DTNBP1: variants seen among roughly 807,000 people sequenced by gnomAD.
DTNBP1 encodes dysbindin.
A neutral mutation model predicts 42.8 loss-of-function variants in DTNBP1; 35 were observed. That is an observed-to-expected ratio of 0.82 (90% CI 0.63 to 1.09). The LOEUF is 1.09. Among genes scored for constraint, DTNBP1 ranks in the 50% least tolerant of loss-of-function variants. The pLI, the probability that DTNBP1 is intolerant of heterozygous loss-of-function variation, is 0.00. For missense variants in DTNBP1, 457 were observed against 424.2 expected (o/e 1.08, Z -0.68); for synonymous variants, 171 against 162.2 (o/e 1.05, Z -0.41).
intron 6 of DTNBP1, among the ~76,000 whole-genome samples, chr6:15,594,036 T>C (rs1204326194): frequency 1.3e-5 from 2 of 152,220 alleles, no homozygotes; most frequent in African/African-American, 4.8e-5. Context: ...ATAATGTTCT[T>C]GCAACAGCCA....
chr6:15,601,864 GA>G (rs398000604), intron 6 of DTNBP1, among the ~76,000 whole-genome samples: 29,802 of 127,622 alleles, frequency 0.23, 3,242 homozygotes, highest in Non-Finnish European at 0.29. Flanking sequence ...AAAAGAAAAA[GA>G]AAAAAAAAAA....
chr6:15,584,705 CTTTTTTTTTT>C (rs147548247), intron 7 of DTNBP1, among the ~76,000 whole-genome samples: 1 of 86,432 alleles, frequency 1.2e-5, no homozygotes, highest in East Asian at 3.7e-4. Context: ...ACATGTATTT[CTTTTTTTTTT>C]TTTTTTTTTT....
At chr6:15,566,271 C>T (rs1775073698) in intron 7 of DTNBP1, among the ~76,000 whole-genome samples, 1 of 149,146 alleles carries the variant, frequency 6.7e-6, no homozygotes, top group Admixed American at 6.7e-5. Context: ...GCCGAGATCC[C>T]GCCACTGCAC....
At chr6:15,529,060 G>A (rs1453238332) in intron 8 of DTNBP1, among the ~76,000 whole-genome samples, 2 of 152,208 alleles carry the variant, frequency 1.3e-5, no homozygotes, top group Admixed American at 6.5e-5. Flanking sequence ...CCAGGTGGGA[G>A]GATCACTCGG....
chr6:15,658,984 T>C (rs1236096187), intron 1 of DTNBP1, among the ~76,000 whole-genome samples: 2 of 152,180 alleles, frequency 1.3e-5, no homozygotes, highest in Admixed American at 6.5e-5. Flanking sequence ...GTTGACATAA[T>C]TGTTACTACG....
chr6:15,648,775 T>C (rs539723822), intron 3 of DTNBP1, among the ~76,000 whole-genome samples: 1 of 152,198 alleles, frequency 6.6e-6, no homozygotes, highest in African/African-American at 2.4e-5. Flanking sequence ...TGTTAATGGA[T>C]TGGAATACTT....
intron 5 of DTNBP1, 27 bp from the exon 6 acceptor site, chr6:15,615,426 C>T (rs764232322): frequency 1.4e-5 from 23 of 1,612,698 alleles, no homozygotes; most frequent in Non-Finnish European, 1.9e-5. Flanking sequence ...ATAAACAGAC[C>T]TCAAAAGTCA....
chr6:15,540,884 C>T (rs902098948), intron 7 of DTNBP1, among the ~76,000 whole-genome samples: 2 of 152,154 alleles, frequency 1.3e-5, no homozygotes, highest in Admixed American at 6.6e-5. Context: ...CCTCGTGATC[C>T]GCCTGCCTTG....
rs567811705 is a variant in DTNBP1, at chr6:15,652,484, G to C, written c.57-344C>G. ...GGCATGAGCCACCCCACCCAGCCCA[G>C]AGATTTTTCAACCACAAATTTTCAC... On this transcript the variant is annotated intron_variant, in intron 1 of 9. Coordinates refer to ENST00000344537, the MANE Select transcript of DTNBP1 (RefSeq NM_032122.5). 3.1e-3 allele frequency among the ~76,000 whole-genome samples: 474 copies of C among 151,614 alleles called. 5 individuals carry two copies. Among genetic ancestry groups the C allele is most frequent in the Middle Eastern group, 0.017 (5 of 292 alleles).
At chr6:15,653,311 T>G (rs1167719120) in intron 1 of DTNBP1, among the ~76,000 whole-genome samples, 1 of 152,206 alleles carries the variant, frequency 6.6e-6, no homozygotes, top group Non-Finnish European at 1.5e-5. Context: ...GAGCTAGAAA[T>G]GCATCTTCAT....
intron 6 of DTNBP1, among the ~76,000 whole-genome samples, chr6:15,601,673 G>A (rs1009351408): frequency 2.0e-5 from 3 of 148,572 alleles, no homozygotes; most frequent in East Asian, 3.9e-4. Flanking sequence ...GAGAAACCCC[G>A]TCTCTACTAA....
intron 3 of DTNBP1, among the ~76,000 whole-genome samples, chr6:15,644,167 A>C (rs1447929461): frequency 7.2e-6 from 1 of 138,146 alleles, no homozygotes; most frequent in Non-Finnish European, 1.6e-5. Flanking sequence ...CTTTAAACCA[A>C]GAACAGTTAA....
At chr6:15,523,484 A>C in intron 9 of DTNBP1, 64 of 1,245,908 alleles carry the variant, frequency 5.1e-5, no homozygotes, top group Non-Finnish European at 6.2e-5. Flanking sequence ...AGGCTGTAAT[A>C]CGCGTGTAAT....
chr6:15,568,895 T>C lies in DTNBP1; in HGVS notation c.511+24164A>G, dbSNP rs545179767. 1.8e-4 allele frequency among the ~76,000 whole-genome samples: 28 copies of C among 152,356 alleles called. No homozygotes were observed. In the South Asian group the frequency reaches 5.6e-3, roughly 30 times the overall value. ...TAGTAGGCTATTAGTAGTTAAGTTT[T>C]TGGGGAGTCAAAAGTTATACAAGGA... On this transcript the variant is annotated intron_variant, in intron 7 of 9. Transcript: ENST00000344537.
chr6:15,551,618 C>T (rs1774215761), intron 7 of DTNBP1, among the ~76,000 whole-genome samples: 1 of 152,170 alleles, frequency 6.6e-6, no homozygotes, highest in African/African-American at 2.4e-5. Context: ...GAGACCCAGG[C>T]TCTCTTTCCT....
chr6:15,635,825 T>C (rs1433003716), intron 4 of DTNBP1, among the ~76,000 whole-genome samples: 1 of 152,244 alleles, frequency 6.6e-6, no homozygotes, highest in Non-Finnish European at 1.5e-5. Flanking sequence ...CTTTTGGGTT[T>C]GTAATTTCAA....
At chr6:15,579,785 C>T (rs1775743244) in intron 7 of DTNBP1, 1 of 444,958 alleles carries the variant, frequency 2.2e-6, no homozygotes, top group Non-Finnish European at 4.5e-6. Flanking sequence ...TCCAGCCTGG[C>T]CGACAGAGTG....
chr6:15,543,850 G>A (rs748625328), intron 7 of DTNBP1, among the ~76,000 whole-genome samples: 1 of 152,106 alleles, frequency 6.6e-6, no homozygotes, highest in Non-Finnish European at 1.5e-5. Context: ...AGAGACAATT[G>A]GAATTAGCTT....
intron 7 of DTNBP1, among the ~76,000 whole-genome samples, chr6:15,555,411 G>C (rs190306209): frequency 6.6e-6 from 1 of 152,100 alleles, no homozygotes; most frequent in Admixed American, 6.5e-5. Context: ...TTAGTCACAG[G>C]ATGAGATAGG....
Sources: allele counts gnomAD v4.1 joint callset (sites outside exome capture counted in the v4.1 genomes callset), GRCh38; gene constraint gnomAD v4.1.1; transcripts MANE v1.5; gene names NCBI Gene and HGNC (gene_info 2026-07-23, HGNC 2026-07-21).